Variants in CD99L2 observed in about 807,000 individuals in gnomAD.
CD99L2 encodes CD99 antigen-like protein 2.
In CD99L2, 24 loss-of-function variants were observed where a neutral mutation model predicts 27.3. The observed-to-expected ratio is 0.88, with a 90% CI of 0.64 to 1.24. The LOEUF (loss-of-function observed/expected upper bound fraction) is 1.24. Among genes scored for constraint, CD99L2 ranks in the 50% most tolerant of loss-of-function variants. The pLI is 0.00. For synonymous variants in CD99L2, 97 were observed against 87.9 expected, an observed-to-expected ratio of 1.10 and a Z score of -0.58; for missense variants, 255 against 221.6, an observed-to-expected ratio of 1.15 and a Z score of -0.96.
chrX:150,769,956 G>C (rs1350755940), intron 10 of CD99L2, among the ~76,000 whole-genome samples: 2 of 113,091 alleles, frequency 1.8e-5, no homozygotes, highest in African/African-American at 6.4e-5. Flanking sequence ...AAAGTTCTAG[G>C]TCTAGGTGAA....
chrX:150,815,510 G>T (rs1353453613), intron 3 of CD99L2, among the ~76,000 whole-genome samples: 1 of 111,959 alleles, frequency 8.9e-6, no homozygotes, highest in Non-Finnish European at 1.9e-5. Context: ...CAGCCACACC[G>T]TCACATTTTT....
chrX:150,881,962 C>T (rs199652531), intron 1 of CD99L2, among the ~76,000 whole-genome samples: 1 of 110,202 alleles, frequency 9.1e-6, no homozygotes, highest in Non-Finnish European at 1.9e-5. Flanking sequence ...GGACTACAGG[C>T]GCCCGCCAAC....
chrX:150,819,461 G>A (rs782689919), intron 2 of CD99L2, among the ~76,000 whole-genome samples: 1 of 111,256 alleles, frequency 9.0e-6, no homozygotes, highest in African/African-American at 3.3e-5. Context: ...ATTTTAAAGA[G>A]TAACTAGAAA....
chrX:150,774,720 C>T (rs782098955), intron 9 of CD99L2, among the ~76,000 whole-genome samples: 7 of 112,463 alleles, frequency 6.2e-5, no homozygotes, highest in African/African-American at 1.3e-4. Flanking sequence ...TCCCCCGCCG[C>T]GCTAAATGCA....
In CD99L2 at chrX:150,776,224, A is replaced by G; in HGVS notation, c.605T>C (p.Val202Ala). 8.3e-7 allele frequency: 1 copy of G among 1,211,283 alleles called. No homozygotes were observed. Among genetic ancestry groups the G allele is most frequent in the Non-Finnish European group, 1.1e-6 (1 of 895,240 alleles). The change falls in exon 9 of 11, where the codon GTC (valine) becomes GCC (alanine). Residue 202 changes from valine to alanine, a missense_variant. By Grantham distance (64) the Val-to-Ala change is moderately conservative. Transcript: ENST00000370377. ...SALAMALIGA[V>A]SSYISYQQKK... ...CTGCTGGTAGGAGATGTAGCTGGAG[A>G]CGGCACCGATGAGGGCCATGGCCAG...
At chrX:150,866,761 A>C (rs1557422052) in intron 1 of CD99L2, among the ~76,000 whole-genome samples, 1 of 111,694 alleles carries the variant, frequency 9.0e-6, no homozygotes, top group East Asian at 2.8e-4. Flanking sequence ...TGGCTATTCT[A>C]ATTACCTTGA....
chrX:150,835,692 T>C (rs1192468080), intron 1 of CD99L2, among the ~76,000 whole-genome samples: 1 of 111,903 alleles, frequency 8.9e-6, no homozygotes, highest in Non-Finnish European at 1.9e-5. Context: ...ACTGAGCTGA[T>C]AGCCTTCCTC....
At chrX:150,859,049 A>T (rs2046934330) in intron 1 of CD99L2, among the ~76,000 whole-genome samples, 1 of 112,083 alleles carries the variant, frequency 8.9e-6, no homozygotes, top group African/African-American at 3.2e-5. Flanking sequence ...AGAAATACAA[A>T]AGATTATCAG....
At chrX:150,824,108 AAGAAGGAAGAAGGAAGGAGG>A (rs1426004842) in intron 2 of CD99L2, among the ~76,000 whole-genome samples, 4 of 71,363 alleles carry the variant, frequency 5.6e-5, no homozygotes, top group Admixed American at 1.5e-4. Context: ...AGGAAGAAGG[AAGAAGGAAGAAGGAAGGAGG>A]AGGAGGAGGA....
chrX:150,869,918 G>A (rs1040494291), intron 1 of CD99L2, among the ~76,000 whole-genome samples: 3 of 111,212 alleles, frequency 2.7e-5, no homozygotes, highest in Non-Finnish European at 5.7e-5. Context: ...GGGAATAGCT[G>A]ACTGGCAAGG....
intron 2 of CD99L2, among the ~76,000 whole-genome samples, chrX:150,824,622 AAGG>A (rs1279978561): frequency 6.5e-5 from 6 of 92,200 alleles, no homozygotes; most frequent in Admixed American, 2.3e-4. Context: ...GAAGGAGAAG[AAGG>A]AGGAGAAGAA....
At chrX:150,795,707 G>A (rs1221753491) in intron 4 of CD99L2, among the ~76,000 whole-genome samples, 1 of 111,794 alleles carries the variant, frequency 8.9e-6, no homozygotes, top group Non-Finnish European at 1.9e-5. Flanking sequence ...GGGTTATGAG[G>A]CAGACATAGT....
intron 7 of CD99L2, among the ~76,000 whole-genome samples, chrX:150,779,196 G>A (rs782105855): frequency 3.8e-4 from 43 of 111,946 alleles, no homozygotes; most frequent in African/African-American, 1.3e-3. Flanking sequence ...TAAACAGGTC[G>A]AACCCCTTCC....
At chrX:150,778,972 G>A (rs1272221974) in intron 7 of CD99L2, among the ~76,000 whole-genome samples, 1 of 111,615 alleles carries the variant, frequency 9.0e-6, no homozygotes, top group East Asian at 2.8e-4. Flanking sequence ...CTATGCTGGA[G>A]GTGGCTGTCG....
intron 7 of CD99L2, among the ~76,000 whole-genome samples, chrX:150,783,740 C>T (rs1330542204): frequency 8.9e-6 from 1 of 111,927 alleles, no homozygotes; most frequent in Non-Finnish European, 1.9e-5. Flanking sequence ...GGCTGCTAAA[C>T]GCAGGAGGTG....
intron 4 of CD99L2, among the ~76,000 whole-genome samples, chrX:150,802,816 C>T (rs1168065131): frequency 1.6e-4 from 16 of 99,851 alleles, no homozygotes; most frequent in Admixed American, 6.8e-4. Flanking sequence ...CTCCTGACCT[C>T]GTGATCTGCC....
chrX:150,878,723 C>A (rs190193894), intron 1 of CD99L2, among the ~76,000 whole-genome samples: 2 of 111,452 alleles, frequency 1.8e-5, no homozygotes, highest in Non-Finnish European at 3.8e-5. Flanking sequence ...TTTTTAAAGG[C>A]CTGCCCCTAT....
intron 1 of CD99L2, among the ~76,000 whole-genome samples, chrX:150,856,900 C>T (rs941230289): frequency 2.7e-5 from 3 of 109,772 alleles, no homozygotes; most frequent in Non-Finnish European, 5.7e-5. Flanking sequence ...GAGAAATTTA[C>T]CACAGAGACA....
At chrX:150,854,909 TC>T (rs1393366615) in intron 1 of CD99L2, among the ~76,000 whole-genome samples, 2 of 106,844 alleles carry the variant, frequency 1.9e-5, no homozygotes, top group African/African-American at 6.9e-5. Flanking sequence ...CTGCCCCCCC[TC>T]CCCCCGGTGG....
Sources: allele counts gnomAD v4.1 joint callset (sites outside exome capture counted in the v4.1 genomes callset), GRCh38; gene constraint gnomAD v4.1.1; transcripts MANE v1.5; gene names NCBI Gene and HGNC (gene_info 2026-07-23, HGNC 2026-07-21).